The following QSER1 variants were observed in gnomAD, a reference collection of about 807,000 sequenced individuals.
QSER1 encodes glutamine and serine rich 1.
A neutral mutation model predicts 158.5 loss-of-function variants in QSER1; 49 were observed. The observed-to-expected ratio is 0.31, with a 90% CI of 0.25 to 0.39. The LOEUF (loss-of-function observed/expected upper bound fraction) is 0.39. Among genes scored for constraint, QSER1 ranks in the 10% least tolerant of loss-of-function variants. The pLI is 1.00. For missense variants in QSER1, 1,754 were observed against 2,010.3 expected (o/e 0.87, Z 2.44); for synonymous variants, 650 against 715.5 (o/e 0.91, Z 1.46).
chr11:32,948,825 GCAT>G (rs1352343983), intron 4 of QSER1, among the ~76,000 whole-genome samples: 1 of 151,706 alleles, frequency 6.6e-6, no homozygotes, highest in Non-Finnish European at 1.5e-5. Context: ...AATTCTGGGG[GCAT>G]CATCCATTTC....
chr11:32,928,948 C>T (rs1005760017), intron 3 of QSER1, among the ~76,000 whole-genome samples: 1 of 151,816 alleles, frequency 6.6e-6, no homozygotes, highest in Non-Finnish European at 1.5e-5. Context: ...TTATATATTT[C>T]ATGTATTTAG....
At chr11:32,945,597 G>A (rs1473518317) in intron 4 of QSER1, among the ~76,000 whole-genome samples, 11 of 152,012 alleles carry the variant, frequency 7.2e-5, no homozygotes, top group East Asian at 5.8e-4. Flanking sequence ...AGTTTCTGCC[G>A]AGAGATCCGC....
chr11:32,934,840 T>C lies in QSER1; in HGVS notation c.3582T>C (p.Asp1194=), dbSNP rs1281089251. The stretch of plus-strand genomic sequence containing the variant: ...TCAAGATTGAAGAAGAAAACCAAGA[T>C]TTAATGCATTTTAACCTTCAAAAGA... ...VSVKIEEENQ[D]LMHFNLQKKR... is the part of the protein sequence containing the mutation. Residue 1194 remains aspartate, a synonymous_variant, in exon 4 of 13, where the codon GAT becomes GAC. Transcript: ENST00000650167. 8.1e-6 allele frequency: 13 copies of C among 1,613,972 alleles called. No homozygotes were observed. Among genetic ancestry groups the C allele is most frequent in the Non-Finnish European group, 1.1e-5 (13 of 1,180,000 alleles).
chr11:32,935,674 T>C (rs1259622229), intron 4 of QSER1, among the ~76,000 whole-genome samples: 1 of 152,238 alleles, frequency 6.6e-6, no homozygotes, highest in Non-Finnish European at 1.5e-5. Flanking sequence ...GCATAATCTG[T>C]ACAGTATGCC....
At chr11:32,920,037 G>T (rs560460456) in intron 1 of QSER1, among the ~76,000 whole-genome samples, 2 of 151,558 alleles carry the variant, frequency 1.3e-5, no homozygotes, top group East Asian at 3.9e-4. Context: ...TATATTTCCT[G>T]CCCCAGTACT....
intron 1 of QSER1, among the ~76,000 whole-genome samples, chr11:32,898,513 CACACACACACACACACAT>C (rs1851584944): frequency 6.6e-6 from 1 of 151,726 alleles, no homozygotes; most frequent in African/African-American, 2.4e-5. Flanking sequence ...CACACACACA[CACACACACACACACACAT>C]TGTAATGTGC....
At chr11:32,894,781 A>C (rs1482370509) in intron 1 of QSER1, among the ~76,000 whole-genome samples, 1 of 152,264 alleles carries the variant, frequency 6.6e-6, no homozygotes, top group Non-Finnish European at 1.5e-5. Flanking sequence ...TTAAATGCTG[A>C]AACCTTTCAG....
intron 8 of QSER1, among the ~76,000 whole-genome samples, chr11:32,964,419 C>G (rs1852686151): frequency 6.6e-6 from 1 of 152,060 alleles, no homozygotes; most frequent in Non-Finnish European, 1.5e-5. Flanking sequence ...TCAATTTTAC[C>G]CAGTAGTAGT....
intron 4 of QSER1, among the ~76,000 whole-genome samples, chr11:32,948,249 C>A (rs1162459435): frequency 1.3e-5 from 2 of 152,148 alleles, no homozygotes; most frequent in Non-Finnish European, 2.9e-5. Context: ...TGTGAAGAAG[C>A]AAATTTATAG....
Position 32,977,224 on chromosome 11 carries a change from C to A in QSER1, c.*750C>A, listed in dbSNP as rs1408119873. 6.6e-6 allele frequency: 1 copy of A among 152,534 alleles called. No homozygotes were observed. The highest frequency in any genetic ancestry group is 1.5e-5 in the Non-Finnish European group (1 of 68,018). 9.4% of individuals were successfully genotyped at this position (152,534 alleles called of 1,614,324 possible). A position where few individuals can be genotyped will look rare whatever the true frequency, so the allele number is the denominator to read the frequency against. On this transcript the variant is annotated 3_prime_UTR_variant, in exon 13 of 13. Coordinates refer to ENST00000650167, the MANE Select transcript of QSER1 (RefSeq NM_001076786.3). ...ATTTCACTGATAGTTGTATTTTTCA[C>A]AAGGAAAATGTTGTGGTTATAATTA...
chr11:32,922,979 T>A (rs760681794), intron 1 of QSER1, among the ~76,000 whole-genome samples: 1 of 152,212 alleles, frequency 6.6e-6, no homozygotes, highest in African/African-American at 2.4e-5. Flanking sequence ...TTAAAACTTA[T>A]GTTCACACAA....
At chr11:32,958,647 G>A (rs1852567998) in intron 8 of QSER1, among the ~76,000 whole-genome samples, 1 of 152,162 alleles carries the variant, frequency 6.6e-6, no homozygotes, top group Admixed American at 6.5e-5. Flanking sequence ...CTCCCAAAGT[G>A]CTGGGATTAC....
chr11:32,928,845 AT>A (rs1215614673), intron 3 of QSER1, among the ~76,000 whole-genome samples: 2 of 151,886 alleles, frequency 1.3e-5, no homozygotes, highest in South Asian at 2.1e-4. Flanking sequence ...CCTTAGCAAC[AT>A]TTTTTTTCCT....
intron 3 of QSER1, among the ~76,000 whole-genome samples, chr11:32,928,837 T>C (rs1445983694): frequency 6.6e-6 from 1 of 152,130 alleles, no homozygotes; most frequent in Non-Finnish European, 1.5e-5. Context: ...TCAGTTTGCC[T>C]TAGCAACATT....
At chr11:32,946,030 G>A (rs1432332202) in intron 4 of QSER1, among the ~76,000 whole-genome samples, 14 of 151,670 alleles carry the variant, frequency 9.2e-5, no homozygotes, top group African/African-American at 3.1e-4. Flanking sequence ...TGATCGCATC[G>A]GCTCCTGAGG....
At position 32,933,242 on chromosome 11, in the gene QSER1, T is replaced by C. The variant is rs1035103819; in HGVS notation, c.1984T>C (p.Leu662=). ...TGCATCCTCTACTCATTGTCAGACA[T>C]TACAAAATAACATAACTTCCCCTGA... ...SFASSTHCQT[L]QNNITSPDPK... is the part of the protein sequence containing the mutation. The change falls in exon 4 of 13, where the codon TTA becomes CTA. Residue 662 remains leucine, a synonymous_variant. Coordinates refer to ENST00000650167, the MANE Select transcript of QSER1 (RefSeq NM_001076786.3). 3.1e-6 allele frequency: 5 copies of C among 1,613,598 alleles called. No homozygotes were observed. The highest frequency in any genetic ancestry group is 4.2e-6 in the Non-Finnish European group (5 of 1,179,930).
chr11:32,970,762 T>A (rs1480694969), intron 10 of QSER1, among the ~76,000 whole-genome samples: 7 of 152,154 alleles, frequency 4.6e-5, no homozygotes, highest in Non-Finnish European at 1.0e-4. Flanking sequence ...TATTCTCTTG[T>A]GAAATACTAT....
chr11:32,927,847 T>C (rs1851994295), intron 2 of QSER1, 115 bp from the exon 3 acceptor site: 2 of 416,014 alleles, frequency 4.8e-6, no homozygotes, highest in South Asian at 1.7e-4. Flanking sequence ...CCATCTGGGG[T>C]TGTAGAATGT....
At position 32,932,283 on chromosome 11, in the gene QSER1, A is replaced by G. The variant is rs770140034; in HGVS notation, c.1025A>G (p.His342Arg). The G allele has an allele frequency of 2.3e-5, 37 of 1,613,852 alleles. No homozygotes were observed. Among genetic ancestry groups the G allele is most frequent in the Non-Finnish European group, 2.5e-5 (30 of 1,180,034 alleles). ...CTGACTGGTTCACAGCACTCCTTACATAGTTATCTATCAAATTCAAGTGTA... is the reference window on the plus strand; with the variant it reads ...CTGACTGGTTCACAGCACTCCTTACGTAGTTATCTATCAAATTCAAGTGTA... Reference protein sequence around the residue: ...AQLTGSQHSLHSYLSNSSVVN... With the variant: ...AQLTGSQHSLRSYLSNSSVVN... The change falls in exon 4 of 13, where the codon CAT (histidine) becomes CGT (arginine). Residue 342 changes from histidine to arginine, a missense_variant. Transcript: ENST00000650167.
Sources: gnomAD v4.1 joint callset for allele counts (sites outside exome capture counted in the v4.1 genomes callset) on GRCh38, gnomAD v4.1.1 for gene constraint, MANE v1.5 for transcripts, NCBI Gene and HGNC (gene_info 2026-07-23, HGNC 2026-07-21) for gene names.